Variants in VTA1 observed in about 807,000 individuals in gnomAD.
VTA1 encodes vacuolar protein sorting-associated protein VTA1 homolog.
A neutral mutation model predicts 36.9 loss-of-function variants in VTA1; 24 were observed. The observed-to-expected ratio is 0.65, with a 90% CI of 0.47 to 0.91. VTA1 has a LOEUF of 0.91. VTA1 is among the 40% of genes least tolerant of loss of function. The pLI is 0.00. For missense variants in VTA1, 393 were observed against 377.2 expected, an observed-to-expected ratio of 1.04 and a Z score of -0.35; for synonymous variants, 142 against 130.2, an observed-to-expected ratio of 1.09 and a Z score of -0.62.
Position 142,188,591 on chromosome 6 carries a change from G to A in VTA1, c.412-835G>A, listed in dbSNP as rs1775392498. Among the ~76,000 whole-genome samples the A allele has an allele frequency of 3.9e-5, 6 of 152,136 alleles. No homozygotes were observed. The South Asian group carries it at 1.2e-3, about 31-fold the overall frequency. On this transcript the variant is annotated intron_variant, in intron 4 of 7. Transcript: ENST00000367630. ...TGGTGGTCTTGTAGTGCAGGTGCAG[G>A]CTGGCACTTGTAGATCAGGTTCAGT... is the stretch of plus-strand genomic sequence containing the variant.
chr6:142,169,466 A>G (rs1320092341), intron 2 of VTA1, 84 bp from the exon 3 acceptor site: 3 of 1,386,092 alleles, frequency 2.2e-6, no homozygotes, highest in Admixed American at 4.9e-5. Flanking sequence ...TAATTTACTT[A>G]AAATGATTAT....
chr6:142,155,111 G>T (rs1778639402), intron 1 of VTA1, among the ~76,000 whole-genome samples: 1 of 151,954 alleles, frequency 6.6e-6, no homozygotes, highest in South Asian at 2.1e-4. Context: ...AAATTTATTA[G>T]CTAGAGTTAA....
At chr6:142,215,016 G>T (rs1775979732) in intron 7 of VTA1, among the ~76,000 whole-genome samples, 1 of 152,034 alleles carries the variant, frequency 6.6e-6, no homozygotes, top group African/African-American at 2.4e-5. Flanking sequence ...TAAATATATT[G>T]TAATGAATTT....
intron 4 of VTA1, among the ~76,000 whole-genome samples, chr6:142,178,495 G>T (rs1775167969): frequency 6.6e-6 from 1 of 152,078 alleles, no homozygotes. Flanking sequence ...GAAGGAAAAG[G>T]ATACCAAGTA....
Position 142,218,896 on chromosome 6 carries a change from G to C in VTA1, c.*253G>C. 3.4e-6 allele frequency: 1 copy of C among 293,932 alleles called. No homozygotes were observed. The highest frequency in any genetic ancestry group is 6.2e-6 in the Non-Finnish European group (1 of 162,252). 18.2% of individuals were successfully genotyped at this position (293,932 alleles called of 1,614,324 possible). On this transcript the variant is annotated 3_prime_UTR_variant, in exon 8 of 8. Coordinates refer to ENST00000367630, the MANE Select transcript of VTA1 (RefSeq NM_016485.5). Reference sequence around the variant, plus strand: ...TAGCAAGACCCTAAAAATGTCCATTGAACCCTGCTTCAAAAAATGAAAACA... The same window carrying C: ...TAGCAAGACCCTAAAAATGTCCATTCAACCCTGCTTCAAAAAATGAAAACA...
chr6:142,215,923 C>T (rs1407750357), intron 7 of VTA1, among the ~76,000 whole-genome samples: 1 of 152,174 alleles, frequency 6.6e-6, no homozygotes, highest in Non-Finnish European at 1.5e-5. Context: ...TAGCTCTCTT[C>T]TGCCTGATCT....
intron 7 of VTA1, among the ~76,000 whole-genome samples, chr6:142,205,756 C>T (rs899856267): frequency 1.3e-5 from 2 of 151,608 alleles, no homozygotes; most frequent in Non-Finnish European, 2.9e-5. Flanking sequence ...ATAGGAGCTT[C>T]AGAATATGAA....
intron 1 of VTA1, among the ~76,000 whole-genome samples, chr6:142,159,034 T>C (rs185244959): frequency 1.3e-5 from 2 of 152,280 alleles, no homozygotes; most frequent in East Asian, 1.9e-4. Context: ...GACATAAATA[T>C]CATTTTCAGT....
chr6:142,149,979 G>C (rs984474385), intron 1 of VTA1, among the ~76,000 whole-genome samples: 4 of 151,716 alleles, frequency 2.6e-5, no homozygotes, highest in Non-Finnish European at 4.4e-5. Flanking sequence ...TTGTCTTTCT[G>C]TGCTGCATTC....
intron 2 of VTA1, among the ~76,000 whole-genome samples, chr6:142,168,916 G>A (rs990934872): frequency 4.0e-5 from 6 of 151,576 alleles, no homozygotes; most frequent in Admixed American, 6.6e-5. Context: ...ACAGCTGCCC[G>A]CCACCATGCC....
chr6:142,151,866 T>G (rs1489899793), intron 1 of VTA1, among the ~76,000 whole-genome samples: 1 of 152,104 alleles, frequency 6.6e-6, no homozygotes, highest in Non-Finnish European at 1.5e-5. Flanking sequence ...AAACCCCATC[T>G]CTACTAAAAA....
At chr6:142,181,268 G>T (rs1429824431) in intron 4 of VTA1, among the ~76,000 whole-genome samples, 1 of 147,008 alleles carries the variant, frequency 6.8e-6, no homozygotes, top group East Asian at 2.0e-4. Flanking sequence ...TGAGTAGCTG[G>T]GACTACAGGT....
At chr6:142,153,055 A>G (rs1258928957) in intron 1 of VTA1, among the ~76,000 whole-genome samples, 32 of 152,142 alleles carry the variant, frequency 2.1e-4, no homozygotes. Flanking sequence ...CACATGTGTT[A>G]TAATATAAAC....
At chr6:142,201,720 A>G (rs1225005724) in intron 6 of VTA1, among the ~76,000 whole-genome samples, 5 of 152,008 alleles carry the variant, frequency 3.3e-5, no homozygotes, top group Non-Finnish European at 5.9e-5. Context: ...TTCTTCTGTA[A>G]GCTTTGATAA....
chr6:142,198,129 G>A (rs866216817), intron 5 of VTA1, among the ~76,000 whole-genome samples: 1,748 of 132,706 alleles, frequency 0.013, 42 homozygotes, highest in African/African-American at 0.047. Flanking sequence ...ATGTGTGTGT[G>A]TGTGTGTGTG....
intron 4 of VTA1, among the ~76,000 whole-genome samples, chr6:142,171,100 A>ATT (rs35684039): frequency 2.1e-5 from 3 of 145,628 alleles, no homozygotes; most frequent in African/African-American, 7.5e-5. Context: ...AGGTAGAATC[A>ATT]TTTTTTTTTT....
intron 4 of VTA1, among the ~76,000 whole-genome samples, chr6:142,186,777 A>ATT (rs1775347449): frequency 1.3e-5 from 2 of 152,146 alleles, no homozygotes; most frequent in Non-Finnish European, 2.9e-5. Flanking sequence ...TAAGAATAAT[A>ATT]AATTTATCAA....
chr6:142,179,262 A>G (rs900089755), intron 4 of VTA1, among the ~76,000 whole-genome samples: 1 of 152,116 alleles, frequency 6.6e-6, no homozygotes, highest in Non-Finnish European at 1.5e-5. Context: ...GCTTTCATAC[A>G]TTGCTTGATG....
intron 5 of VTA1, among the ~76,000 whole-genome samples, chr6:142,190,647 A>G (rs1775438411): frequency 1.3e-5 from 2 of 152,218 alleles, no homozygotes; most frequent in African/African-American, 4.8e-5. Flanking sequence ...CTGTTCTTGG[A>G]ACTGAGAAAA....
Sources: gnomAD v4.1 joint callset for allele counts (sites outside exome capture counted in the v4.1 genomes callset) on GRCh38, gnomAD v4.1.1 for gene constraint, MANE v1.5 for transcripts, NCBI Gene and HGNC (gene_info 2026-07-23, HGNC 2026-07-21) for gene names.